SCN11A: variants seen among roughly 807,000 people sequenced by gnomAD.
SCN11A encodes the protein sodium channel protein type 11 subunit alpha.
A neutral mutation model predicts 162.2 loss-of-function variants in SCN11A; 122 were observed. The ratio of observed to expected loss-of-function variants is 0.75; its 90% CI spans 0.65 to 0.87. The LOEUF (loss-of-function observed/expected upper bound fraction) is 0.87, where lower values mean the gene tolerates loss of function less well. SCN11A is among the 40% of genes least tolerant of loss of function. SCN11A has a pLI of 0.00. For missense variants in SCN11A, 2,015 were observed against 2,181.6 expected (o/e 0.92, Z 1.52); for synonymous variants, 758 against 751.5 (o/e 1.01, Z -0.14).
chr3:38,896,536 T>C (rs565571906), intron 18 of SCN11A, among the ~76,000 whole-genome samples: 60 of 152,318 alleles, frequency 3.9e-4, no homozygotes, highest in African/African-American at 1.3e-3. Context: ...TTACATCCTA[T>C]TGACCAAATT....
intron 1 of SCN11A, among the ~76,000 whole-genome samples, chr3:39,045,859 G>A (rs1340610946): frequency 6.6e-6 from 1 of 152,230 alleles, no homozygotes; most frequent in Non-Finnish European, 1.5e-5. Flanking sequence ...AATTGTCACT[G>A]TTTGCAGATG....
At chr3:38,944,016 A>G (rs955393324) in intron 7 of SCN11A, among the ~76,000 whole-genome samples, 12 of 152,218 alleles carry the variant, frequency 7.9e-5, no homozygotes, top group African/African-American at 2.7e-4. Context: ...TGGGATTGAT[A>G]TCCCAATTAC....
At chr3:38,909,981 G>A in intron 12 of SCN11A, 85 bp downstream of exon 12, 1 of 1,287,482 alleles carries the variant, frequency 7.8e-7, no homozygotes, top group Non-Finnish European at 1.1e-6. Context: ...ATAAATAAAT[G>A]GTAAATAAAT....
Position 38,905,348 on chromosome 3 carries a change from C to T in SCN11A, c.1474-27G>A, listed in dbSNP as rs775187981. The T allele has an allele frequency of 1.0e-5, 16 of 1,602,854 alleles. No homozygotes were observed. The Admixed American group carries it at 2.1e-4, about 21-fold the overall frequency. On this transcript the variant is annotated intron_variant, in intron 14 of 29. Transcript: ENST00000302328. ...TGTAAGAGAAGGCATAGGGCACCTT[C>T]TAAAGACAGGGGCTGCCTCTCCTCA...
intron 23 of SCN11A, among the ~76,000 whole-genome samples, chr3:38,874,877 T>A (rs1194865023): frequency 6.6e-6 from 1 of 152,192 alleles, no homozygotes; most frequent in Admixed American, 6.5e-5. Context: ...AAAATAAAAG[T>A]TTTACTACAT....
At chr3:39,039,400 T>C (rs997485629) in intron 1 of SCN11A, among the ~76,000 whole-genome samples, 8 of 152,206 alleles carry the variant, frequency 5.3e-5, no homozygotes, top group African/African-American at 1.7e-4. Context: ...GCAGACTCCC[T>C]GGGACCTAAG....
chr3:39,001,714 C>T (rs1436608372), intron 2 of SCN11A, among the ~76,000 whole-genome samples: 2 of 90,276 alleles, frequency 2.2e-5, no homozygotes, highest in African/African-American at 1.5e-4. Flanking sequence ...TTGTTTAAAA[C>T]AAACAAACAA....
Position 38,846,765 on chromosome 3 carries a change from G to A in SCN11A, c.5305C>T (p.Pro1769Ser). The A allele has an allele frequency of 6.2e-7, 1 of 1,614,118 alleles. No individual in the cohort carries two copies. The highest frequency in any genetic ancestry group is 8.5e-7 in the Non-Finnish European group (1 of 1,180,018). ...TCTCCATTGCAAAGAGTCTGGAGTG[G>A]TGAATGAGGCCCGTTTTCCAAGTCA... ...QNDLENGPHS[P>S]LQTLCNGDLS... Residue 1769 changes from proline to serine, a missense_variant, in exon 30 of 30, where the codon CCA (proline) becomes TCA (serine). By Grantham distance (74) the Pro-to-Ser change is moderately conservative (BLOSUM62 -1). Coordinates refer to ENST00000302328, the MANE Select transcript of SCN11A (RefSeq NM_001349253.2).
At chr3:38,960,194 C>T (rs1287390607) in intron 3 of SCN11A, among the ~76,000 whole-genome samples, 89 bp downstream of exon 3, 3 of 152,178 alleles carry the variant, frequency 2.0e-5, no homozygotes, top group Non-Finnish European at 4.4e-5. Context: ...CTGTACTCTA[C>T]CCTGATGAGA....
rs574335309 is a variant in SCN11A at position 38,907,826 on chromosome 3, T to C, written c.1473+123A>G. On this transcript the variant is annotated intron_variant, in intron 14 of 29. Coordinates refer to ENST00000302328, the MANE Select transcript of SCN11A (RefSeq NM_001349253.2). ...AAAGACACATGGATGCATGAAAGTATGTGCAAATGGATGAATGAATAAATG... is the reference window on the plus strand; with the variant it reads ...AAAGACACATGGATGCATGAAAGTACGTGCAAATGGATGAATGAATAAATG... The C allele has an allele frequency of 7.2e-5, 58 of 804,944 alleles. No individual in the cohort carries two copies. The African/African-American group carries it at 9.0e-4, about 12-fold the overall frequency. The allele number at this position is 804,944 out of a possible 1,614,324, so 49.9% of individuals were successfully genotyped here. A position where few individuals can be genotyped will look rare whatever the true frequency, so the allele number is the denominator to read the frequency against.
At chr3:39,008,052 G>A (rs146078477) in intron 2 of SCN11A, among the ~76,000 whole-genome samples, 115 of 152,168 alleles carry the variant, frequency 7.6e-4, no homozygotes, top group Non-Finnish European at 1.4e-3. Flanking sequence ...AGAATTGCTC[G>A]GTGTGGGAAA....
In SCN11A at chr3:38,846,977, T is replaced by G. The variant is rs150845678; in HGVS notation, c.5093A>C (p.Asp1698Ala). The G allele has an allele frequency of 1.9e-6, 3 of 1,613,994 alleles. No homozygotes were observed. The highest frequency in any genetic ancestry group is 2.5e-6 in the Non-Finnish European group (3 of 1,180,018). The change falls in exon 30 of 30, where the codon GAT becomes GCT. Residue 1698 changes from aspartate to alanine, a missense_variant. By Grantham distance (126) the Asp-to-Ala change is moderately radical. Transcript: ENST00000302328. ...CATTGCTTTCATACTATCTAGGCCA[T>G]CAGAGCCACCGAGTACCCTAGCGGT... ...AFTARVLGGS[D>A]GLDSMKAMME...
chr3:38,986,125 G>C (rs1575347743), intron 2 of SCN11A, among the ~76,000 whole-genome samples: 1 of 151,030 alleles, frequency 6.6e-6, no homozygotes, highest in East Asian at 1.9e-4. Flanking sequence ...TATCCTGTTA[G>C]TTATACAGAT....
Position 38,905,292 on chromosome 3 carries a change from C to G in SCN11A, c.1503G>C (p.Leu501=). The G allele has an allele frequency of 1.2e-6, 2 of 1,614,006 alleles. No homozygotes were observed. Among genetic ancestry groups the G allele is most frequent in the South Asian group, 1.1e-5 (1 of 91,044 alleles). The part of the protein sequence containing the change: ...KPQLLEQTKR[L]SQNLSLDHFD... ...AGTGGTCCAGTGATAGATTCTGGGA[C>G]AGTCGTTTGGTTTGCTCTAGGAGCT... Residue 501 remains leucine (L), a synonymous_variant, in exon 15 of 30, where the codon CTG becomes CTC. Coordinates refer to ENST00000302328, the MANE Select transcript of SCN11A (RefSeq NM_001349253.2).
chr3:38,965,696 T>C (rs1366918020), intron 2 of SCN11A, among the ~76,000 whole-genome samples: 3 of 152,320 alleles, frequency 2.0e-5, no homozygotes, highest in East Asian at 3.9e-4. Context: ...GAAGCCTTTC[T>C]TTTTCTTTTT....
chr3:38,997,022 CT>C (rs1286640177), intron 2 of SCN11A, among the ~76,000 whole-genome samples: 2 of 152,296 alleles, frequency 1.3e-5, no homozygotes, highest in African/African-American at 4.8e-5. Flanking sequence ...AAGTGGCCTC[CT>C]AACTAATCCC....
chr3:38,876,192 T>C (rs1344095686), intron 23 of SCN11A, among the ~76,000 whole-genome samples: 2 of 152,052 alleles, frequency 1.3e-5, no homozygotes, highest in African/African-American at 4.8e-5. Flanking sequence ...TCATCTCTCA[T>C]CTTATATGAA....
At chr3:38,883,106 A>C in intron 22 of SCN11A, 127 bp downstream of exon 22, 1 of 772,078 alleles carries the variant, frequency 1.3e-6, no homozygotes, top group Non-Finnish European at 2.1e-6. Context: ...CACTGCGGGA[A>C]CCAGCAGCAT....
intron 2 of SCN11A, among the ~76,000 whole-genome samples, chr3:38,966,710 C>T (rs1330444560): frequency 3.9e-5 from 6 of 152,180 alleles, no homozygotes. Flanking sequence ...ATGCCTTCTA[C>T]CTAACCGTAT....
Sources: gnomAD v4.1 joint callset for allele counts (sites outside exome capture counted in the v4.1 genomes callset) on GRCh38, gnomAD v4.1.1 for gene constraint, MANE v1.5 for transcripts, NCBI Gene and HGNC (gene_info 2026-07-23, HGNC 2026-07-21) for gene names.